FGD5: variants seen among roughly 807,000 people sequenced by gnomAD.
The protein encoded by FGD5 is FYVE, RhoGEF and PH domain-containing protein 5.
A neutral mutation model predicts 133.4 loss-of-function variants in FGD5; 28 were observed. The observed-to-expected ratio is 0.21, with a 90% confidence interval of 0.16 to 0.29. The LOEUF (loss-of-function observed/expected upper bound fraction) is 0.29. Ranked by LOEUF, FGD5 falls within the 10% of genes least tolerant of loss-of-function variation. The pLI is 1.00. For missense variants in FGD5, 1,858 were observed against 1,895.2 expected (o/e 0.98, Z 0.36); for synonymous variants, 810 against 776.5 (o/e 1.04, Z -0.72).
intron 11 of FGD5, among the ~76,000 whole-genome samples, chr3:14,915,869 C>T (rs914440521): frequency 9.2e-5 from 14 of 151,506 alleles, no homozygotes; most frequent in Admixed American, 4.6e-4. Flanking sequence ...CTGATGTTGG[C>T]GTCATTTGTA....
intron 18 of FGD5, among the ~76,000 whole-genome samples, chr3:14,929,874 A>G (rs1312402346): frequency 2.6e-5 from 4 of 152,198 alleles, no homozygotes; most frequent in Non-Finnish European, 2.9e-5. Context: ...GAGGAAGTCT[A>G]CTTTGTCAGT....
chr3:14,902,228 C>A (rs2038252915), intron 9 of FGD5, among the ~76,000 whole-genome samples: 1 of 150,904 alleles, frequency 6.6e-6, no homozygotes, highest in Non-Finnish European at 1.5e-5. Flanking sequence ...GTTGCAGTGA[C>A]CCGAGACCAT....
chr3:14,864,198 G>A lies in FGD5; in HGVS notation c.2596G>A (p.Glu866Lys). The A allele has an allele frequency of 6.2e-7, 1 of 1,614,052 alleles. No homozygotes were observed. The highest frequency in any genetic ancestry group is 8.5e-7 in the Non-Finnish European group (1 of 1,179,906). Residue 866 changes from glutamate to lysine, a missense_variant, in exon 2 of 20, where the codon GAA becomes AAA. Transcript: ENST00000285046. ...AAPKEDLTSDEEQRSSEEEDS... is the reference protein window; with the variant it reads ...AAPKEDLTSDKEQRSSEEEDS... ...CCCCAAAGAGGACCTTACGTCGGAT[G>A]AAGAGCAGAGAAGCTCGGAGGAGGA...
At chr3:14,892,628 G>GC (rs2038051653) in intron 4 of FGD5, among the ~76,000 whole-genome samples, 1 of 152,142 alleles carries the variant, frequency 6.6e-6, no homozygotes, top group African/African-American at 2.4e-5. Context: ...GACCAGCCTT[G>GC]CCAACATGGT....
intron 17 of FGD5, 122 bp from the exon 18 acceptor site, chr3:14,925,947 AT>A: frequency 7.7e-7 from 1 of 1,298,262 alleles, no homozygotes; most frequent in Admixed American, 2.2e-5. Flanking sequence ...CTGAGACCTT[AT>A]CCAGTGTCAA....
At chr3:14,875,978 G>A (rs1675721198) in intron 2 of FGD5, among the ~76,000 whole-genome samples, 1 of 152,184 alleles carries the variant, frequency 6.6e-6, no homozygotes, top group Admixed American at 6.5e-5. Context: ...GCAGAGACCA[G>A]TGAAAGAAAG....
At chr3:14,812,306 G>A (rs1378280419) in intron 1 of FGD5, among the ~76,000 whole-genome samples, 1 of 152,198 alleles carries the variant, frequency 6.6e-6, no homozygotes, top group Non-Finnish European at 1.5e-5. Context: ...GCCACTGCTT[G>A]GAAAGGGGGT....
chr3:14,867,450 A>G (rs188273024), intron 2 of FGD5, among the ~76,000 whole-genome samples: 7 of 152,340 alleles, frequency 4.6e-5, no homozygotes, highest in African/African-American at 1.4e-4. Flanking sequence ...GAACTTGTTC[A>G]CATACCTCCT....
intron 1 of FGD5, among the ~76,000 whole-genome samples, chr3:14,825,745 A>G (rs1575190020): frequency 6.6e-6 from 1 of 152,290 alleles, no homozygotes; most frequent in South Asian, 2.1e-4. Context: ...GATCTAGTCC[A>G]ACACCCTTAG....
chr3:14,905,512 T>C (rs1265435938), intron 9 of FGD5, among the ~76,000 whole-genome samples: 1 of 152,236 alleles, frequency 6.6e-6, no homozygotes, highest in Non-Finnish European at 1.5e-5. Context: ...TCCACTGATC[T>C]GTCTTCAAGC....
intron 2 of FGD5, among the ~76,000 whole-genome samples, chr3:14,879,801 T>A (rs1170393160): frequency 6.6e-6 from 1 of 152,082 alleles, no homozygotes; most frequent in Non-Finnish European, 1.5e-5. Flanking sequence ...CTGCCGTGGC[T>A]AAGTCTTATA....
In FGD5 at chr3:14,870,439, G is replaced by A. The variant is rs558493817; in HGVS notation, c.2658+6179G>A. Among the ~76,000 whole-genome samples the A allele has an allele frequency of 1.8e-4, 28 of 152,272 alleles. No individual in the cohort carries two copies. In the East Asian group the frequency reaches 4.6e-3, roughly 25 times the overall value. On this transcript the variant is annotated intron_variant, in intron 2 of 19. Coordinates refer to ENST00000285046, the MANE Select transcript of FGD5 (RefSeq NM_152536.4). ...CCCAGGAGCCAGGCTCCCTTCCGCC[G>A]TCCACTTCAGACCCCTCTTACACAA...
Position 14,924,068 on chromosome 3 carries a change from C to T in FGD5, c.3998C>T (p.Ser1333Leu). ...SSPRFSGSAF[S>L]SVFQSINPST... ...CCCCGCTTCTCGGGCAGTGCCTTTT[C>T]ATCCGTCTTCCAGAGCATTAACCCC... The change falls in exon 17 of 20, where the codon TCA becomes TTA. Residue 1333 changes from serine to leucine, a missense_variant. By Grantham distance (145) the Ser-to-Leu change is moderately radical. This residue lies in a region of FGD5 where 1,824 missense variants were observed against 1,848.9 expected (regional missense o/e 0.99). Coordinates refer to ENST00000285046, the MANE Select transcript of FGD5 (RefSeq NM_152536.4). The T allele has an allele frequency of 1.2e-6, 2 of 1,614,038 alleles. No individual in the cohort carries two copies.
intron 12 of FGD5, 32 bp from the exon 13 acceptor site, chr3:14,918,722 C>T (rs1287709172): frequency 2.5e-6 from 4 of 1,611,912 alleles, no homozygotes; most frequent in Non-Finnish European, 3.4e-6. Flanking sequence ...CTCCCTGCCC[C>T]ACCCTGAAGG....
chr3:14,848,883 C>A (rs1331603317), intron 1 of FGD5, among the ~76,000 whole-genome samples: 1 of 152,106 alleles, frequency 6.6e-6, no homozygotes, highest in East Asian at 1.9e-4. Context: ...CAAACACTTT[C>A]CAGGCATCCA....
chr3:14,821,522 T>C lies in FGD5; in HGVS notation c.2451T>C (p.Asn817=). 6.2e-7 allele frequency: 1 copy of C among 1,613,848 alleles called. No individual in the cohort carries two copies. Among genetic ancestry groups the C allele is most frequent in the Admixed American group, 1.7e-5 (1 of 60,014 alleles). ...GAGCCCTGTCCACAGCAAACGAAAA[T>C]GATGGCTACGTGGACATGAGCAGCT... ...QSRALSTANE[N]DGYVDMSSFN... The change falls in exon 1 of 20, where the codon AAT becomes AAC. Residue 817 remains asparagine (N), a synonymous_variant. Transcript: ENST00000285046.
intron 1 of FGD5, among the ~76,000 whole-genome samples, chr3:14,858,390 GATGGAT>G (rs2037329880): frequency 6.6e-6 from 1 of 151,994 alleles, no homozygotes; most frequent in Non-Finnish European, 1.5e-5. Context: ...TGGATGGATG[GATGGAT>G]AGATAGATGA....
chr3:14,858,687 G>C (rs2037337437), intron 1 of FGD5, among the ~76,000 whole-genome samples: 1 of 152,292 alleles, frequency 6.6e-6, no homozygotes, highest in East Asian at 1.9e-4. Context: ...GGCTTCCTTT[G>C]ACCATACTGA....
intron 1 of FGD5, among the ~76,000 whole-genome samples, chr3:14,861,143 C>T (rs1051473591): frequency 6.6e-6 from 1 of 152,076 alleles, no homozygotes; most frequent in Non-Finnish European, 1.5e-5. Flanking sequence ...GAGGCAGCAA[C>T]GGCCACGCTG....
Sources: allele counts gnomAD v4.1 joint callset (sites outside exome capture counted in the v4.1 genomes callset), GRCh38; gene constraint gnomAD v4.1.1; regional missense constraint gnomAD v4.1.1; transcripts MANE v1.5; gene names NCBI Gene and HGNC (gene_info 2026-07-23, HGNC 2026-07-21).